HSD17B2: variants seen among roughly 807,000 people sequenced by gnomAD.
The protein encoded by HSD17B2 is hydroxysteroid 17-beta dehydrogenase 2.
Under a neutral mutation model 26.9 loss-of-function variants are expected in HSD17B2, and 32 were observed. That is an observed-to-expected ratio of 1.19 (90% confidence interval 0.90 to 1.60). The LOEUF is 1.60. Ranked by LOEUF, HSD17B2 falls within the 40% of genes most tolerant of loss-of-function variation. HSD17B2 has a pLI of 0.00. For synonymous variants in HSD17B2, 246 were observed against 186.7 expected (o/e 1.32, Z -2.59); for missense variants, 613 against 468.6 (o/e 1.31, Z -2.85).
At chr16:82,079,619 G>C (rs183184538) in intron 3 of HSD17B2, among the ~76,000 whole-genome samples, 279 of 152,280 alleles carry the variant, frequency 1.8e-3, no homozygotes, top group African/African-American at 6.5e-3. Context: ...GAGCAATTCA[G>C]TCCATAACAC....
At position 82,085,513 on chromosome 16, in the gene HSD17B2, AG is replaced by A. The variant is rs1904501746; in HGVS notation, c.665-5388del. Among the ~76,000 whole-genome samples the A allele has an allele frequency of 3.3e-5, 5 of 152,312 alleles. No individual in the cohort carries two copies. The South Asian group carries it at 8.3e-4, about 25-fold the overall frequency. The stretch of plus-strand genomic sequence containing the variant: ...ATGAACCGGGATCTGTTTTACTCCA[AG>A]TACTATGTGCTTTCTACTTTTCCAG... On this transcript the variant is annotated intron_variant, in intron 3 of 4. Transcript: ENST00000199936.
chr16:82,061,765 T>C (rs1914444892), intron 1 of HSD17B2, among the ~76,000 whole-genome samples: 1 of 152,254 alleles, frequency 6.6e-6, no homozygotes, highest in South Asian at 2.1e-4. Flanking sequence ...TACCTTCTTT[T>C]ATTGATCTCA....
At chr16:82,062,248 T>C (rs1489327027) in intron 1 of HSD17B2, among the ~76,000 whole-genome samples, 1 of 152,240 alleles carries the variant, frequency 6.6e-6, no homozygotes, top group Non-Finnish European at 1.5e-5. Context: ...AATGGGTCTG[T>C]AGTAGTCATT....
rs1244762511 is a variant in HSD17B2, at chr16:82,096,343, C to T, written c.803-1732C>T. 2.0e-5 allele frequency: 3 copies of T among 152,240 alleles called. No homozygotes were observed. In the South Asian group the frequency reaches 6.2e-4, roughly 31 times the overall value. 9.4% of individuals were successfully genotyped at this position (152,240 alleles called of 1,614,324 possible). A position where few individuals can be genotyped will look rare whatever the true frequency, so the allele number is the denominator to read the frequency against. ...TTCAAGCAATTCTCCCTGCTTCAGC[C>T]TCCCAGGTAGCTGGGATTCCAGGCA... is the stretch of plus-strand genomic sequence containing the variant. On this transcript the variant is annotated intron_variant, in intron 4 of 4. Transcript: ENST00000199936.
At chr16:82,052,058 C>T (rs546253616) in intron 1 of HSD17B2, among the ~76,000 whole-genome samples, 1 of 152,304 alleles carries the variant, frequency 6.6e-6, no homozygotes, top group South Asian at 2.1e-4. Flanking sequence ...ATCATAGGTG[C>T]TCAGGAAATA....
At chr16:82,060,637 G>T (rs760555776) in intron 1 of HSD17B2, among the ~76,000 whole-genome samples, 12 of 152,208 alleles carry the variant, frequency 7.9e-5, no homozygotes, top group Non-Finnish European at 1.5e-4. Flanking sequence ...CTGATAGATA[G>T]CAGATCTTCA....
intron 1 of HSD17B2, among the ~76,000 whole-genome samples, chr16:82,039,330 T>TGAGAGA (rs34511068): frequency 1.4e-5 from 2 of 143,520 alleles, no homozygotes; most frequent in Non-Finnish European, 3.0e-5. Context: ...AGTTAGCAGA[T>TGAGAGA]GAGAGAGAGA....
Position 82,098,163 on chromosome 16 carries a change from G to C in HSD17B2, c.891G>C (p.Gln297His), listed in dbSNP as rs370410131. The C allele has an allele frequency of 7.4e-6, 12 of 1,613,976 alleles. No individual in the cohort carries two copies. The African/African-American group carries it at 9.3e-5, about 13-fold the overall frequency. The stretch of plus-strand genomic sequence containing the variant: ...CTGAGGTACAGGAAGACTACGGCCA[G>C]GACTACATCTTAGCACAGCGGAATT... ...LPAEVQEDYG[Q>H]DYILAQRNFL... is the part of the protein sequence containing the mutation. The change falls in exon 5 of 5, where the codon CAG (glutamine) becomes CAC (histidine). Residue 297 changes from glutamine to histidine, a missense_variant. Physicochemically the swap from Gln to His is conservative, Grantham distance 24 (BLOSUM62 0). Transcript: ENST00000199936.
At chr16:82,063,761 C>A (rs1914506669) in intron 1 of HSD17B2, among the ~76,000 whole-genome samples, 1 of 152,066 alleles carries the variant, frequency 6.6e-6, no homozygotes, top group African/African-American at 2.4e-5. Flanking sequence ...GAGGGCTGAT[C>A]AGGAAGGTCT....
intron 1 of HSD17B2, among the ~76,000 whole-genome samples, chr16:82,064,080 A>G (rs543003065): frequency 1.3e-3 from 201 of 152,334 alleles, no homozygotes; most frequent in Non-Finnish European, 2.1e-3. Flanking sequence ...ATTTTCCAGT[A>G]TCACAGGGCT....
chr16:82,059,874 T>C (rs1239315032), intron 1 of HSD17B2, among the ~76,000 whole-genome samples: 2 of 152,092 alleles, frequency 1.3e-5, no homozygotes, highest in African/African-American at 2.4e-5. Flanking sequence ...TATGGGAGAA[T>C]TCTTCATAAA....
At chr16:82,094,722 C>T (rs1429999455) in intron 4 of HSD17B2, 1 of 152,164 alleles carries the variant, frequency 6.6e-6, no homozygotes, top group African/African-American at 2.4e-5. Context: ...CTTCTGAAGA[C>T]ATTCTAAGAG....
chr16:82,094,141 C>G (rs895717157), intron 4 of HSD17B2: 1 of 152,150 alleles, frequency 6.6e-6, no homozygotes, highest in Non-Finnish European at 1.5e-5. Flanking sequence ...ACCAATCCTG[C>G]CAACCTCTTA....
chr16:82,035,907 C>T (rs1253183492), intron 1 of HSD17B2, among the ~76,000 whole-genome samples: 1 of 152,248 alleles, frequency 6.6e-6, no homozygotes, highest in Non-Finnish European at 1.5e-5. Context: ...GGATGAAGTG[C>T]ACCCAGACAA....
chr16:82,094,395 G>A (rs182874156), intron 4 of HSD17B2: 1 of 152,318 alleles, frequency 6.6e-6, no homozygotes, highest in East Asian at 1.9e-4. Flanking sequence ...ACAACTCTGA[G>A]GAGCAGGTTT....
Position 82,071,125 on chromosome 16 carries a change from G to C in HSD17B2, c.662G>C (p.Gly221Ala). ...AGGCTGGTGAATGTCAGCAGCATGG[G>C]AGGTGAGTCAGCATTTTCACACATG... Reference protein sequence around the residue: ...KGRLVNVSSMGGGAPMERLAS... With the variant: ...KGRLVNVSSMAGGAPMERLAS... The change falls in exon 3 of 5, where the codon GGA (glycine) becomes GCA (alanine). Residue 221 changes from glycine to alanine, a missense_variant and splice_region_variant. Physicochemically the swap from Gly to Ala is moderately conservative, Grantham distance 60. Transcript: ENST00000199936. 1.9e-6 allele frequency: 3 copies of C among 1,614,112 alleles called. No individual in the cohort carries two copies. Among genetic ancestry groups the C allele is most frequent in the Non-Finnish European group, 2.5e-6 (3 of 1,179,960 alleles).
chr16:82,040,820 G>A (rs1913745790), intron 1 of HSD17B2, among the ~76,000 whole-genome samples: 1 of 152,206 alleles, frequency 6.6e-6, no homozygotes, highest in African/African-American at 2.4e-5. Context: ...TAGTTCAAGT[G>A]AAGTGTCACT....
rs148413488 is a variant in HSD17B2, at chr16:82,086,394, A to G, written c.665-4508A>G. Among the ~76,000 whole-genome samples, 230 of 152,318 alleles carry G rather than the reference A, an allele frequency of 1.5e-3. 1 individual carries two copies. The highest frequency in any genetic ancestry group is 2.9e-3 in the Admixed American group (44 of 15,298). On this transcript the variant is annotated intron_variant, in intron 3 of 4. Transcript: ENST00000199936. ...GGTGGGGAGAGAGAGGGTCTTCACA[A>G]TTCTTTTGTAAGCTTCAGAATGGTA...
At chr16:82,059,092 C>T (rs969865479) in intron 1 of HSD17B2, among the ~76,000 whole-genome samples, 2 of 152,300 alleles carry the variant, frequency 1.3e-5, no homozygotes, top group Admixed American at 6.5e-5. Flanking sequence ...TATTATTTTC[C>T]AATGAGTGTT....
Sources: gnomAD v4.1 joint callset for allele counts (sites outside exome capture counted in the v4.1 genomes callset) on GRCh38, gnomAD v4.1.1 for gene constraint, MANE v1.5 for transcripts, NCBI Gene and HGNC (gene_info 2026-07-23, HGNC 2026-07-21) for gene names.